FBXO32: variants seen among roughly 807,000 people sequenced by gnomAD.
The protein encoded by FBXO32 is F-box protein 32, also known as F-box only protein 32.
FBXO32 carries 15 observed loss-of-function variants against 48.3 expected under a neutral mutation model. That is an observed-to-expected ratio of 0.31 (90% CI 0.21 to 0.48). The LOEUF is 0.48. Among genes scored for constraint, FBXO32 ranks in the 20% least tolerant of loss-of-function variants. The probability of loss-of-function intolerance (pLI) is 0.99; values close to 1 mark genes in which losing one functional copy is unlikely to be tolerated. For missense variants in FBXO32, 309 were observed against 432.7 expected (o/e 0.71, Z 2.54); for synonymous variants, 154 against 165.9 (o/e 0.93, Z 0.55).
rs1019087859 is a variant in FBXO32 at position 123,502,935 on chromosome 8, CTATA to C, written c.*434_*437del. On this transcript the variant is annotated 3_prime_UTR_variant, in exon 9 of 9. Coordinates refer to ENST00000517956, the MANE Select transcript of FBXO32 (RefSeq NM_058229.4). Reference sequence around the variant, plus strand: ...AAACCCCAAAGCCCAGGAATTTCTCCTATATAGTTTTCCTTCTTCATTTTTTCTT... The same window carrying C: ...AAACCCCAAAGCCCAGGAATTTCTCCTAGTTTTCCTTCTTCATTTTTTCTT... The C allele has an allele frequency of 1.3e-5, 2 of 154,992 alleles. No individual in the cohort carries two copies. Among genetic ancestry groups the C allele is most frequent in the African/African-American group, 4.8e-5 (2 of 41,444 alleles). 9.6% of individuals were successfully genotyped at this position (154,992 alleles called of 1,614,324 possible).
chr8:123,540,184 A>T lies in FBXO32; in HGVS notation c.116+715T>A, dbSNP rs145944417. Among the ~76,000 whole-genome samples, 1 of 152,260 alleles carries T rather than the reference A, an allele frequency of 6.6e-6. No individual in the cohort carries two copies. Among genetic ancestry groups the T allele is most frequent in the East Asian group, 1.9e-4 (1 of 5,174 alleles). On this transcript the variant is annotated intron_variant, in intron 1 of 8. Transcript: ENST00000517956. The surrounding 1 kb of genome is among the most constrained non-coding windows in gnomAD (Gnocchi z 6.4). ...CACTCTATACAAAGCAGACCGACCG[A>T]GAGGGCCACCGAGGAAACAGGTGCA...
intron 8 of FBXO32, 33 bp from the exon 9 acceptor site, chr8:123,503,495 T>G (rs1816542366): frequency 6.4e-7 from 1 of 1,573,752 alleles, no homozygotes; most frequent in South Asian, 1.1e-5. Flanking sequence ...CTTCAAGTTC[T>G]CAGAGGCCTC....
chr8:123,523,626 CAAA>C (rs770195298), intron 4 of FBXO32, among the ~76,000 whole-genome samples: 1 of 141,898 alleles, frequency 7.0e-6, no homozygotes, highest in Non-Finnish European at 1.5e-5. Flanking sequence ...ACAACAACAA[CAAA>C]CAAACAAAAA....
chr8:123,536,099 C>A (rs1817305106), intron 1 of FBXO32, among the ~76,000 whole-genome samples: 4 of 152,184 alleles, frequency 2.6e-5, no homozygotes. Flanking sequence ...AATATGCTTA[C>A]ATGTGACATC....
chr8:123,522,774 CA>C (rs1224405822), intron 4 of FBXO32, among the ~76,000 whole-genome samples: 5 of 152,134 alleles, frequency 3.3e-5, no homozygotes, highest in Admixed American at 6.5e-5. Flanking sequence ...TCCATCTGGC[CA>C]AATCCTGGCC....
At chr8:123,514,474 A>T (rs1169124552) in intron 4 of FBXO32, 141 bp from the exon 5 acceptor site, 1 of 523,548 alleles carries the variant, frequency 1.9e-6, no homozygotes, top group African/African-American at 2.0e-5. Context: ...TGCAATAAAA[A>T]GCAGATGCTC....
intron 6 of FBXO32, among the ~76,000 whole-genome samples, chr8:123,508,445 G>C (rs1563919941): frequency 6.6e-6 from 1 of 152,286 alleles, no homozygotes; most frequent in Non-Finnish European, 1.5e-5. Context: ...CTGGATCCCA[G>C]CTCCCCTGGG....
At chr8:123,524,000 T>C (rs1817018437) in intron 4 of FBXO32, among the ~76,000 whole-genome samples, 1 of 152,234 alleles carries the variant, frequency 6.6e-6, no homozygotes, top group Non-Finnish European at 1.5e-5. Flanking sequence ...ACATCATTAC[T>C]GGCATCTTTT....
At chr8:123,510,035 C>T (rs1296458726) in intron 6 of FBXO32, among the ~76,000 whole-genome samples, 2 of 152,198 alleles carry the variant, frequency 1.3e-5, no homozygotes, top group African/African-American at 2.4e-5. Context: ...CTCAGTACAG[C>T]GCCCAATAAA....
In FBXO32 at chr8:123,501,727, GTCACCCAAAGC is replaced by G. The variant is rs1195791966; in HGVS notation, c.*1635_*1645del. The G allele has an allele frequency of 1.3e-5, 2 of 151,942 alleles. No individual in the cohort carries two copies. Among genetic ancestry groups the G allele is most frequent in the African/African-American group, 4.8e-5 (2 of 41,356 alleles). 9.4% of individuals were successfully genotyped at this position (151,942 alleles called of 1,614,324 possible). On this transcript the variant is annotated 3_prime_UTR_variant, in exon 9 of 9. Coordinates refer to ENST00000517956, the MANE Select transcript of FBXO32 (RefSeq NM_058229.4). ...CTTAGCCATCTTTCCCCCTTTCCAGGTCACCCAAAGCTCAGCTCTTAAAGATACACTGTTCC... is the reference window on the plus strand; with the variant it reads ...CTTAGCCATCTTTCCCCCTTTCCAGGTCAGCTCTTAAAGATACACTGTTCC...
intron 4 of FBXO32, among the ~76,000 whole-genome samples, chr8:123,519,120 T>C (rs1816897256): frequency 6.6e-6 from 1 of 152,190 alleles, no homozygotes; most frequent in African/African-American, 2.4e-5. Context: ...CCACTGTGCC[T>C]GGCAGAACAT....
chr8:123,506,516 A>G lies in FBXO32; in HGVS notation c.710T>C (p.Met237Thr), dbSNP rs759570579. Residue 237 changes from methionine (M) to threonine (T), a missense_variant, in exon 7 of 9, where the codon ATG (methionine) becomes ACG (threonine). Transcript: ENST00000517956. This position sits in a 1 kb window ranked among gnomAD's most constrained non-coding sequence, Gnocchi z 4.0. Reference sequence around the variant, plus strand: ...GTCCCGCCCGTCGCTCAGCCTCTGCATGATGTTCAGTTGTAGGCACAAAGG... The same window carrying G: ...GTCCCGCCCGTCGCTCAGCCTCTGCGTGATGTTCAGTTGTAGGCACAAAGG... ...DLPLCLQLNIMQRLSDGRDLV... is the reference protein window; with the variant it reads ...DLPLCLQLNITQRLSDGRDLV... The G allele has an allele frequency of 3.1e-6, 5 of 1,613,584 alleles. No individual in the cohort carries two copies. The highest frequency in any genetic ancestry group is 2.2e-5 in the East Asian group (1 of 44,832).
At chr8:123,539,393 T>C (rs981475524) in intron 1 of FBXO32, among the ~76,000 whole-genome samples, 2 of 152,202 alleles carry the variant, frequency 1.3e-5, no homozygotes, top group East Asian at 1.9e-4. Context: ...TTAGGCATAA[T>C]TGGTAACTCC....
intron 4 of FBXO32, among the ~76,000 whole-genome samples, chr8:123,514,539 T>C (rs1816800104): frequency 2.0e-5 from 3 of 152,230 alleles, no homozygotes; most frequent in African/African-American, 7.2e-5. Flanking sequence ...GAATATTTAA[T>C]TGCTTTTCTT....
chr8:123,529,730 GAGA>G (rs1817160475), intron 4 of FBXO32, among the ~76,000 whole-genome samples: 1 of 152,128 alleles, frequency 6.6e-6, no homozygotes, highest in African/African-American at 2.4e-5. Context: ...TGTTTAAAGA[GAGA>G]TAATAAAAGC....
rs1175710567 is a variant in FBXO32 at position 123,502,897 on chromosome 8, CA to C, written c.*475del. The C allele has an allele frequency of 6.5e-6, 1 of 153,440 alleles. No homozygotes were observed. The highest frequency in any genetic ancestry group is 2.4e-5 in the African/African-American group (1 of 41,466). The allele number at this position is 153,440 out of a possible 1,614,324, so 9.5% of individuals were successfully genotyped here. A position where few individuals can be genotyped will look rare whatever the true frequency, so the allele number is the denominator to read the frequency against. Reference sequence around the variant, plus strand: ...TGGCGCTTCCTTCGCCTTCTCAAAACAAACACCAGATCAAACCCCAAAGCCC... The same window carrying C: ...TGGCGCTTCCTTCGCCTTCTCAAAACAACACCAGATCAAACCCCAAAGCCC... On this transcript the variant is annotated 3_prime_UTR_variant, in exon 9 of 9. Coordinates refer to ENST00000517956, the MANE Select transcript of FBXO32 (RefSeq NM_058229.4).
chr8:123,521,834 G>C (rs888527212), intron 4 of FBXO32, among the ~76,000 whole-genome samples: 40 of 152,122 alleles, frequency 2.6e-4, no homozygotes, highest in African/African-American at 9.2e-4. Context: ...CAATACCCAA[G>C]TTGGGTGCCC....
intron 4 of FBXO32, among the ~76,000 whole-genome samples, chr8:123,516,005 T>TAAAAAAC (rs1412031236): frequency 2.6e-5 from 4 of 151,858 alleles, no homozygotes; most frequent in Non-Finnish European, 5.9e-5. Flanking sequence ...AAATAAAAAA[T>TAAAAAAC]AAAAAACAAA....
At chr8:123,536,403 G>T (rs1246365188) in intron 1 of FBXO32, among the ~76,000 whole-genome samples, 1 of 152,104 alleles carries the variant, frequency 6.6e-6, no homozygotes, top group African/African-American at 2.4e-5. Flanking sequence ...TGACTATAGG[G>T]GTACAGAATC....
Sources: allele counts gnomAD v4.1 joint callset (sites outside exome capture counted in the v4.1 genomes callset), GRCh38; gene constraint gnomAD v4.1.1; non-coding constraint Gnocchi (gnomAD v3.1); transcripts MANE v1.5; gene names NCBI Gene and HGNC (gene_info 2026-07-23, HGNC 2026-07-21).